CDCA2: variants seen among roughly 807,000 people sequenced by gnomAD.
CDCA2 encodes the protein cell division cycle-associated protein 2.
CDCA2 carries 44 observed loss-of-function variants against 67.0 expected under a neutral mutation model. That is an observed-to-expected ratio of 0.66 (90% CI 0.52 to 0.84). CDCA2 has a LOEUF of 0.84. Ranked by LOEUF, CDCA2 falls within the 40% of genes least tolerant of loss-of-function variation. The probability of loss-of-function intolerance (pLI) is 0.00; values close to 1 mark genes in which losing one functional copy is unlikely to be tolerated. For missense variants in CDCA2, 1,253 were observed against 1,203.2 expected (o/e 1.04, Z -0.61); for synonymous variants, 447 against 418.7 (o/e 1.07, Z -0.82).
chr8:25,464,605 A>G (rs916176733), intron 4 of CDCA2, among the ~76,000 whole-genome samples: 9 of 152,330 alleles, frequency 5.9e-5, no homozygotes, highest in African/African-American at 1.9e-4. Flanking sequence ...TAGAGAAAAA[A>G]CAATTTTGAC....
chr8:25,483,396 T>A lies in CDCA2; in HGVS notation c.1033-3T>A. The A allele has an allele frequency of 6.3e-7, 1 of 1,583,740 alleles. No homozygotes were observed. Among genetic ancestry groups the A allele is most frequent in the East Asian group, 2.3e-5 (1 of 43,876 alleles). Reference sequence around the variant, plus strand: ...ATTATTCATTAATGTTTATTCTGTTTAGGAACACTGTAACAACCTCTATGA... The same window carrying A: ...ATTATTCATTAATGTTTATTCTGTTAAGGAACACTGTAACAACCTCTATGA... On this transcript the variant is annotated splice_region_variant and splice_polypyrimidine_tract_variant and intron_variant, in intron 8 of 14. Transcript: ENST00000330560.
chr8:25,504,883 C>T (rs900366547), intron 14 of CDCA2, among the ~76,000 whole-genome samples: 12 of 152,240 alleles, frequency 7.9e-5, no homozygotes, highest in Non-Finnish European at 1.6e-4. Context: ...CCTAAAACTT[C>T]AGTCTCCTTG....
chr8:25,484,071 C>T lies in CDCA2; in HGVS notation c.1226C>T (p.Pro409Leu). The change falls in exon 10 of 15, where the codon CCA becomes CTA. Residue 409 changes from proline (P) to leucine (L), a missense_variant. Physicochemically the swap from Pro to Leu is moderately conservative, Grantham distance 98 (BLOSUM62 -3). Transcript: ENST00000330560. ...CCGGAAGTGTTTGATGAATCTTTGC[C>T]AGCAAATACTCCATTGCGTAAAGGA... Reference protein sequence around the residue: ...LSPEVFDESLPANTPLRKGGT... With the variant: ...LSPEVFDESLLANTPLRKGGT... 1 of 1,614,100 alleles carries T rather than the reference C, an allele frequency of 6.2e-7. No homozygotes were observed.
intron 4 of CDCA2, 58 bp downstream of exon 4, chr8:25,462,266 T>C (rs1802724957): frequency 6.5e-7 from 1 of 1,539,884 alleles, no homozygotes; most frequent in South Asian, 1.1e-5. Context: ...TTGTGCTTTC[T>C]TTACACCTTC....
At chr8:25,477,539 T>C (rs930677434) in intron 7 of CDCA2, among the ~76,000 whole-genome samples, 8 of 152,202 alleles carry the variant, frequency 5.3e-5, no homozygotes, top group African/African-American at 1.9e-4. Context: ...GATGCTTGAC[T>C]GGTAAGTAGA....
Position 25,475,073 on chromosome 8 carries a change from T to A in CDCA2, c.821-4840T>A, listed in dbSNP as rs568535254. Among the ~76,000 whole-genome samples the A allele has an allele frequency of 5.6e-4, 85 of 152,326 alleles. No individual in the cohort carries two copies. In the South Asian group the frequency reaches 0.017, roughly 30 times the overall value. ...TGCTAGGATTGGGTAGGCCCAGATG[T>A]ACCTTTCATGGGTAATTGCTGACCT... On this transcript the variant is annotated intron_variant, in intron 7 of 14. Coordinates refer to ENST00000330560, the MANE Select transcript of CDCA2 (RefSeq NM_152562.4).
At chr8:25,465,860 A>G (rs759410656) in intron 4 of CDCA2, among the ~76,000 whole-genome samples, 35 of 152,192 alleles carry the variant, frequency 2.3e-4, no homozygotes, top group Non-Finnish European at 5.0e-4. Context: ...ATCCAGCACA[A>G]CATTTGGTAA....
In CDCA2 at chr8:25,484,198, G is replaced by T. The variant is rs746533255; in HGVS notation, c.1353G>T (p.Lys451Asn). ...TACCTCAACCAGATTTTGATGACAA[G>T]GGGGAGAATCTTGTAAGTATGAAAA... ...EPLPQPDFDD[K>N]GENLENIEPL... The change falls in exon 10 of 15, where the codon AAG becomes AAT. Residue 451 changes from lysine to asparagine, a missense_variant. Lys to Asn is a moderately conservative substitution (Grantham distance 94). Transcript: ENST00000330560. 21 of 1,613,936 alleles carry T rather than the reference G, an allele frequency of 1.3e-5. No homozygotes were observed. In the South Asian group the frequency reaches 2.3e-4, roughly 18 times the overall value.
intron 14 of CDCA2, 70 bp from the exon 15 acceptor site, chr8:25,506,440 T>C (rs1036903381): frequency 1.5e-6 from 2 of 1,362,358 alleles, no homozygotes; most frequent in African/African-American, 3.0e-5. Context: ...CACCTGATTA[T>C]TTAATAAATG....
intron 7 of CDCA2, among the ~76,000 whole-genome samples, chr8:25,477,762 G>A (rs988044815): frequency 2.6e-5 from 4 of 152,058 alleles, no homozygotes; most frequent in Non-Finnish European, 4.4e-5. Context: ...TCACTTGAAT[G>A]CCTAATAAAC....
In CDCA2 at chr8:25,484,226, G is replaced by C; in HGVS notation, c.1365+16G>C. 1.2e-6 allele frequency: 2 copies of C among 1,611,192 alleles called. No homozygotes were observed. The highest frequency in any genetic ancestry group is 1.7e-6 in the Non-Finnish European group (2 of 1,177,664). On this transcript the variant is annotated intron_variant, in intron 10 of 14. Coordinates refer to ENST00000330560, the MANE Select transcript of CDCA2 (RefSeq NM_152562.4). ...GGAGAATCTTGTAAGTATGAAAAGC[G>C]TGGAACAAGCTTGCCATATGTATTT... is the stretch of plus-strand genomic sequence containing the variant.
chr8:25,460,363 A>G (rs376643502), intron 2 of CDCA2, 21 bp from the exon 3 acceptor site: 42 of 1,614,164 alleles, frequency 2.6e-5, no homozygotes, highest in Admixed American at 3.3e-5. Flanking sequence ...CCTCACCCCT[A>G]CAATATGTCG....
At chr8:25,486,980 T>C (rs191958300) in intron 11 of CDCA2, among the ~76,000 whole-genome samples, 17 of 152,334 alleles carry the variant, frequency 1.1e-4, no homozygotes, top group African/African-American at 3.8e-4. Context: ...TTTATTGTAA[T>C]GTGATTTATT....
intron 5 of CDCA2, among the ~76,000 whole-genome samples, chr8:25,467,086 A>C (rs1403197848): frequency 6.7e-6 from 1 of 149,820 alleles, no homozygotes; most frequent in East Asian, 1.9e-4. Context: ...ACACACAAAT[A>C]TATCCAATCT....
Position 25,485,829 on chromosome 8 carries a change from C to T in CDCA2, c.1436C>T (p.Thr479Ile). The change falls in exon 11 of 15, where the codon ACC (threonine) becomes ATC (isoleucine). Residue 479 changes from threonine (T) to isoleucine (I), a missense_variant. Transcript: ENST00000330560. The part of the protein sequence containing the change: ...SSPNKSSISE[T>I]LSGTDTFSSS... Reference sequence around the variant, plus strand: ...CCTAATAAATCATCAATCTCTGAGACCCTTTCAGGTAGTAACTTGTTTATC... The same window carrying T: ...CCTAATAAATCATCAATCTCTGAGATCCTTTCAGGTAGTAACTTGTTTATC... The T allele has an allele frequency of 6.3e-7, 1 of 1,578,812 alleles. No homozygotes were observed. Among genetic ancestry groups the T allele is most frequent in the Non-Finnish European group, 8.7e-7 (1 of 1,150,622 alleles).
intron 5 of CDCA2, 25 bp downstream of exon 5, chr8:25,466,350 T>A (rs779208466): frequency 3.9e-5 from 60 of 1,549,010 alleles, no homozygotes; most frequent in Middle Eastern, 3.4e-4. Flanking sequence ...TTCGTTCAGT[T>A]TTGACTTCAA....
intron 13 of CDCA2, among the ~76,000 whole-genome samples, chr8:25,496,485 A>G (rs1788812155): frequency 6.6e-6 from 1 of 152,196 alleles, no homozygotes; most frequent in Admixed American, 6.5e-5. Flanking sequence ...CATAGTAACA[A>G]TCAACAGAGG....
chr8:25,493,734 T>G (rs986872591), intron 13 of CDCA2, among the ~76,000 whole-genome samples: 6 of 152,154 alleles, frequency 3.9e-5, no homozygotes, highest in Admixed American at 3.9e-4. Flanking sequence ...CCTTTTAGAT[T>G]ACCAAAAATC....
intron 8 of CDCA2, among the ~76,000 whole-genome samples, chr8:25,482,832 C>T (rs1368852176): frequency 6.6e-6 from 1 of 152,168 alleles, no homozygotes; most frequent in Non-Finnish European, 1.5e-5. Context: ...TGCACTGCTG[C>T]ACTCCAGCCT....
Sources: gnomAD v4.1 joint callset for allele counts (sites outside exome capture counted in the v4.1 genomes callset) on GRCh38, gnomAD v4.1.1 for gene constraint, MANE v1.5 for transcripts, NCBI Gene and HGNC (gene_info 2026-07-23, HGNC 2026-07-21) for gene names.